Variants in WWOX observed in about 807,000 individuals in gnomAD.
WWOX encodes WW domain containing oxidoreductase, also known as WW domain-containing oxidoreductase.
WWOX carries 69 observed loss-of-function variants against 46.2 expected under a neutral mutation model. The ratio of observed to expected loss-of-function variants is 1.49; its 90% CI spans 1.23 to 1.82. WWOX has a LOEUF of 1.82. Ranked by LOEUF, WWOX falls within the 40% of genes most tolerant of loss-of-function variation. WWOX has a pLI of 0.00. For synonymous variants in WWOX, 359 were observed against 202.6 expected (o/e 1.77, Z -6.56); for missense variants, 919 against 542.6 (o/e 1.69, Z -6.89).
At chr16:78,123,676 T>G (rs1246428994) in intron 4 of WWOX, 1 of 151,806 alleles carries the variant, frequency 6.6e-6, no homozygotes, top group Admixed American at 6.6e-5. Context: ...CAGGCTGGTC[T>G]TGAACTCCTG....
chr16:78,224,813 A>G (rs936336154), intron 5 of WWOX, among the ~76,000 whole-genome samples: 6 of 152,262 alleles, frequency 3.9e-5, no homozygotes, highest in Non-Finnish European at 5.9e-5. Context: ...AGAGAAAGGT[A>G]GAATCTAATT....
At chr16:78,588,947 C>T (rs1381680105) in intron 8 of WWOX, among the ~76,000 whole-genome samples, 1 of 152,126 alleles carries the variant, frequency 6.6e-6, no homozygotes, top group African/African-American at 2.4e-5. Flanking sequence ...TGTTTCTTAT[C>T]TCTACTGTTT....
chr16:78,156,961 T>A (rs1194231238), intron 4 of WWOX, among the ~76,000 whole-genome samples: 1 of 152,202 alleles, frequency 6.6e-6, no homozygotes, highest in Non-Finnish European at 1.5e-5. Flanking sequence ...AATCAAGTTC[T>A]GGAACCTGCC....
In WWOX at chr16:78,305,204, AT is replaced by A. The variant is rs983085454; in HGVS notation, c.517-81647del. Reference sequence around the variant, plus strand: ...TAGTGTGATTCAAATCACCAACTGAATTTTTTTTTCCTTTCCTTCCCCTTTC... The same window carrying A: ...TAGTGTGATTCAAATCACCAACTGAATTTTTTTTCCTTTCCTTCCCCTTTC... On this transcript the variant is annotated intron_variant, in intron 5 of 8. Coordinates refer to ENST00000566780, the MANE Select transcript of WWOX (RefSeq NM_016373.4). Among the ~76,000 whole-genome samples, 7 of 151,684 alleles carry A rather than the reference AT, an allele frequency of 4.6e-5. No homozygotes were observed. The East Asian group carries it at 5.8e-4, about 13-fold the overall frequency.
At position 79,174,824 on chromosome 16, in the gene WWOX, T is replaced by A. The variant is rs115182985; in HGVS notation, c.1057-36784T>A. On this transcript the variant is annotated intron_variant, in intron 8 of 8. Transcript: ENST00000566780. ...CTTTAACAGAAATATTAATACTAAT[T>A]AAGAGTAAAAAGATGATGAATAAAG... 2.3e-3 allele frequency among the ~76,000 whole-genome samples: 355 copies of A among 152,314 alleles called. 3 individuals carry two copies. Among genetic ancestry groups the A allele is most frequent in the African/African-American group, 8.3e-3 (345 of 41,568 alleles).
In WWOX at chr16:78,523,314, C is replaced by T. The variant is rs2043388967; in HGVS notation, c.1056+90562C>T. Among the ~76,000 whole-genome samples the T allele has an allele frequency of 2.6e-5, 4 of 152,344 alleles. 1 individual carries two copies. The South Asian group carries it at 6.2e-4, about 24-fold the overall frequency. On this transcript the variant is annotated intron_variant, in intron 8 of 8. Coordinates refer to ENST00000566780, the MANE Select transcript of WWOX (RefSeq NM_016373.4). ...TATAAATTCAAGGTAAGGTAGACAG[C>T]TGTAAACTGGATCCCCTGCTGTACC...
At chr16:79,074,109 A>G (rs2048604101) in intron 8 of WWOX, among the ~76,000 whole-genome samples, 1 of 152,074 alleles carries the variant, frequency 6.6e-6, no homozygotes. Flanking sequence ...CTTTTCTTTT[A>G]CCGGCTGACT....
chr16:78,823,562 G>C (rs1036982788), intron 8 of WWOX, among the ~76,000 whole-genome samples: 1 of 152,112 alleles, frequency 6.6e-6, no homozygotes, highest in African/African-American at 2.4e-5. Context: ...CATTCATTCA[G>C]CAAATGTTTA....
intron 8 of WWOX, among the ~76,000 whole-genome samples, chr16:79,028,838 A>T (rs548775018): frequency 6.6e-6 from 1 of 151,674 alleles, no homozygotes; most frequent in Non-Finnish European, 1.5e-5. Flanking sequence ...AAACCAACCT[A>T]TATCACAAAA....
At chr16:79,143,918 C>A (rs137997961) in intron 8 of WWOX, among the ~76,000 whole-genome samples, 11 of 152,124 alleles carry the variant, frequency 7.2e-5, no homozygotes, top group African/African-American at 2.4e-4. Flanking sequence ...TAATTTTTTT[C>A]TTTTGAGACT....
At chr16:78,209,328 A>G (rs1032747677) in intron 5 of WWOX, among the ~76,000 whole-genome samples, 1 of 152,202 alleles carries the variant, frequency 6.6e-6, no homozygotes, top group Non-Finnish European at 1.5e-5. Context: ...CTCCACTGAT[A>G]CTTTATCCAC....
At chr16:79,117,414 C>G (rs375785468) in intron 8 of WWOX, among the ~76,000 whole-genome samples, 39 of 152,140 alleles carry the variant, frequency 2.6e-4, no homozygotes, top group Admixed American at 5.9e-4. Context: ...TGGTCTCATC[C>G]AGGGTTTGTT....
intron 8 of WWOX, among the ~76,000 whole-genome samples, chr16:78,480,475 A>C (rs2084459645): frequency 6.6e-6 from 1 of 152,240 alleles, no homozygotes; most frequent in African/African-American, 2.4e-5. Context: ...TGTCCTTTCA[A>C]ATATTCTTTG....
intron 5 of WWOX, among the ~76,000 whole-genome samples, chr16:78,291,626 C>G (rs2079859618): frequency 6.6e-6 from 1 of 152,082 alleles, no homozygotes; most frequent in Non-Finnish European, 1.5e-5. Flanking sequence ...ACTTGGATCC[C>G]CAGGTTTCAA....
intron 8 of WWOX, among the ~76,000 whole-genome samples, chr16:79,156,216 C>T (rs1018482462): frequency 1.3e-5 from 2 of 152,142 alleles, no homozygotes; most frequent in African/African-American, 4.8e-5. Flanking sequence ...GGCTGGAGTG[C>T]AGTGGTACAA....
intron 8 of WWOX, among the ~76,000 whole-genome samples, chr16:78,455,006 A>T (rs1446073603): frequency 6.6e-6 from 1 of 152,224 alleles, no homozygotes; most frequent in Non-Finnish European, 1.5e-5. Context: ...AGGCATAGCA[A>T]ATGCAAAAAT....
At chr16:78,650,081 T>C (rs978239014) in intron 8 of WWOX, among the ~76,000 whole-genome samples, 1 of 152,140 alleles carries the variant, frequency 6.6e-6, no homozygotes, top group Non-Finnish European at 1.5e-5. Flanking sequence ...TAGAGGCTAG[T>C]AGGACTGGCT....
At chr16:78,164,065 A>G (rs2034885919) in intron 4 of WWOX, 118 bp from the exon 5 acceptor site, 2 of 965,688 alleles carry the variant, frequency 2.1e-6, no homozygotes, top group South Asian at 2.8e-5. Context: ...CTGGGGATCA[A>G]AATCACCCCT....
In WWOX at chr16:79,093,053, G is replaced by A. The variant is rs150364266; in HGVS notation, c.1057-118555G>A. On this transcript the variant is annotated intron_variant, in intron 8 of 8. Coordinates refer to ENST00000566780, the MANE Select transcript of WWOX (RefSeq NM_016373.4). Reference sequence around the variant, plus strand: ...TTGCACCACTACTTTTTACCTAGCAGTTCAACAGCTGTAAAGAAAGATGCT... The same window carrying A: ...TTGCACCACTACTTTTTACCTAGCAATTCAACAGCTGTAAAGAAAGATGCT... Among the ~76,000 whole-genome samples, 9 of 152,284 alleles carry A rather than the reference G, an allele frequency of 5.9e-5. No homozygotes were observed. In the East Asian group the frequency reaches 1.7e-3, roughly 29 times the overall value.
Sources: gnomAD v4.1 joint callset for allele counts (sites outside exome capture counted in the v4.1 genomes callset) on GRCh38, gnomAD v4.1.1 for gene constraint, MANE v1.5 for transcripts, NCBI Gene and HGNC (gene_info 2026-07-23, HGNC 2026-07-21) for gene names.